KLHL1: variants seen among roughly 807,000 people sequenced by gnomAD.
KLHL1 encodes kelch-like protein 1.
Under a neutral mutation model 77.7 loss-of-function variants are expected in KLHL1, and 47 were observed. That is an observed-to-expected ratio of 0.60 (90% CI 0.48 to 0.77). The LOEUF is 0.77. Ranked by LOEUF, KLHL1 falls within the 30% of genes least tolerant of loss-of-function variation. KLHL1 has a pLI of 0.00. For synonymous variants in KLHL1, 360 were observed against 325.2 expected (o/e 1.11, Z -1.15); for missense variants, 925 against 910.8 (o/e 1.02, Z -0.20).
intron 9 of KLHL1, among the ~76,000 whole-genome samples, chr13:69,710,699 A>G (rs1360611746): frequency 2.6e-5 from 4 of 152,178 alleles, no homozygotes; most frequent in African/African-American, 7.2e-5. Flanking sequence ...ATGTATAAGC[A>G]TTGTCCAAAC....
At chr13:70,002,780 T>TAA (rs1885327380) in intron 1 of KLHL1, among the ~76,000 whole-genome samples, 1 of 151,068 alleles carries the variant, frequency 6.6e-6, no homozygotes, top group Non-Finnish European at 1.5e-5. Context: ...GTGCTAAGTA[T>TAA]AAAAAGCAAA....
chr13:70,075,253 A>G (rs1593722845), intron 1 of KLHL1, among the ~76,000 whole-genome samples: 1 of 151,906 alleles, frequency 6.6e-6, no homozygotes, highest in South Asian at 2.1e-4. Context: ...GTAAAGGGGA[A>G]GGCAAGGGGT....
rs116613773 is a variant in KLHL1 at position 69,957,623 on chromosome 13, T to C, written c.817+3685A>G. Among the ~76,000 whole-genome samples, 929 of 151,932 alleles carry C rather than the reference T, an allele frequency of 6.1e-3. 8 individuals are homozygous for C. The highest frequency in any genetic ancestry group is 0.019 in the African/African-American group (797 of 41,512). On this transcript the variant is annotated intron_variant, in intron 3 of 10. Coordinates refer to ENST00000377844, the MANE Select transcript of KLHL1 (RefSeq NM_020866.3). ...TGCTCAAATATTGTTAGCAGAATTATGATTTGATTTTGAAAAACTGATATA... is the reference window on the plus strand; with the variant it reads ...TGCTCAAATATTGTTAGCAGAATTACGATTTGATTTTGAAAAACTGATATA...
intron 7 of KLHL1, among the ~76,000 whole-genome samples, chr13:69,741,964 G>A (rs945428134): frequency 8.5e-5 from 13 of 152,068 alleles, no homozygotes; most frequent in Admixed American, 5.9e-4. Context: ...TTTGAGTAAG[G>A]CCAATTAGCA....
At chr13:69,898,578 C>A (rs1015360605) in intron 4 of KLHL1, among the ~76,000 whole-genome samples, 39 of 152,248 alleles carry the variant, frequency 2.6e-4, no homozygotes, top group Non-Finnish European at 1.2e-4. Flanking sequence ...CCCCTATAAA[C>A]TTCAGTGTTA....
chr13:69,824,625 A>G (rs1878471656), intron 6 of KLHL1, among the ~76,000 whole-genome samples: 1 of 151,854 alleles, frequency 6.6e-6, no homozygotes, highest in African/African-American at 2.4e-5. Flanking sequence ...ATAATATGCT[A>G]ATTGAAAAAA....
rs890972753 is a variant in KLHL1 at position 70,108,017 on chromosome 13, G to A, written c.-318C>T. On this transcript the variant is annotated 5_prime_UTR_variant, in exon 1 of 11. Coordinates refer to ENST00000377844, the MANE Select transcript of KLHL1 (RefSeq NM_020866.3). ...CCGCGCGAGAGCCCCGTGTTATGGC[G>A]AGGTGGGACAACCCTTAGGCTGGAG... is the stretch of plus-strand genomic sequence containing the variant. The A allele has an allele frequency of 1.6e-5, 7 of 443,046 alleles. No individual in the cohort carries two copies. The highest frequency in any genetic ancestry group is 3.3e-5 in the East Asian group (1 of 30,252). 27.4% of individuals were successfully genotyped at this position (443,046 alleles called of 1,614,324 possible).
At chr13:69,709,875 T>C (rs1875799084) in intron 9 of KLHL1, among the ~76,000 whole-genome samples, 1 of 144,838 alleles carries the variant, frequency 6.9e-6, no homozygotes, top group African/African-American at 2.4e-5. Context: ...GCAGAAAATT[T>C]TTCTAGTACA....
At chr13:69,725,153 T>A (rs1230547493) in intron 8 of KLHL1, among the ~76,000 whole-genome samples, 1 of 152,174 alleles carries the variant, frequency 6.6e-6, no homozygotes, top group Non-Finnish European at 1.5e-5. Flanking sequence ...TTCTCTACTC[T>A]CTGACCAAGA....
At chr13:69,823,157 A>T (rs923418336) in intron 6 of KLHL1, among the ~76,000 whole-genome samples, 3 of 151,912 alleles carry the variant, frequency 2.0e-5, no homozygotes, top group Admixed American at 6.6e-5. Context: ...TGCATCCATC[A>T]TTTATTGAAT....
At chr13:70,093,480 A>G (rs1887717884) in intron 1 of KLHL1, among the ~76,000 whole-genome samples, 1 of 152,166 alleles carries the variant, frequency 6.6e-6, no homozygotes, top group African/African-American at 2.4e-5. Context: ...GTAGTAACAA[A>G]ATCTATGTAA....
At chr13:70,052,889 T>A (rs1030758188) in intron 1 of KLHL1, among the ~76,000 whole-genome samples, 3 of 152,064 alleles carry the variant, frequency 2.0e-5, no homozygotes, top group Non-Finnish European at 2.9e-5. Context: ...ATTTATTATT[T>A]TATTCCTTAC....
chr13:69,908,025 G>A (rs2138238193), intron 4 of KLHL1, among the ~76,000 whole-genome samples: 1 of 152,072 alleles, frequency 6.6e-6, no homozygotes, highest in Middle Eastern at 3.4e-3. Flanking sequence ...GAATGTGTTG[G>A]ACAAGATAAT....
chr13:70,103,086 G>A (rs1036901334), intron 1 of KLHL1, among the ~76,000 whole-genome samples: 3 of 152,048 alleles, frequency 2.0e-5, no homozygotes, highest in East Asian at 1.9e-4. Flanking sequence ...AATTTGTTTC[G>A]GTGATGAAGA....
At chr13:70,061,694 A>G (rs1024021641) in intron 1 of KLHL1, among the ~76,000 whole-genome samples, 12 of 152,148 alleles carry the variant, frequency 7.9e-5, no homozygotes, top group Admixed American at 7.2e-4. Context: ...ATGAAGGCTT[A>G]TCTCAATTCT....
At chr13:70,070,275 C>T (rs1344241245) in intron 1 of KLHL1, among the ~76,000 whole-genome samples, 1 of 151,798 alleles carries the variant, frequency 6.6e-6, no homozygotes, top group Non-Finnish European at 1.5e-5. Flanking sequence ...AGATAAACAT[C>T]AAGATTCTTC....
At chr13:69,812,997 T>A (rs889669157) in intron 6 of KLHL1, among the ~76,000 whole-genome samples, 269 of 149,230 alleles carry the variant, frequency 1.8e-3, no homozygotes, top group African/African-American at 5.9e-3. Context: ...GGATTATAAA[T>A]CATGCTGCTA....
chr13:70,028,031 A>G (rs1167115735), intron 1 of KLHL1, among the ~76,000 whole-genome samples: 1 of 152,196 alleles, frequency 6.6e-6, no homozygotes, highest in Non-Finnish European at 1.5e-5. Context: ...GTTGTGTTTT[A>G]TTAATTCCAT....
At chr13:70,022,303 G>GTA (rs1194191193) in intron 1 of KLHL1, among the ~76,000 whole-genome samples, 7 of 91,378 alleles carry the variant, frequency 7.7e-5, no homozygotes, top group Admixed American at 3.2e-4. Flanking sequence ...GTGTGTGTGT[G>GTA]TATGTGTTTG....
Sources: allele counts gnomAD v4.1 joint callset (sites outside exome capture counted in the v4.1 genomes callset), GRCh38; gene constraint gnomAD v4.1.1; transcripts MANE v1.5; gene names NCBI Gene and HGNC (gene_info 2026-07-23, HGNC 2026-07-21).